Variants in KLF12 observed in about 807,000 individuals in gnomAD.
KLF12 encodes the protein KLF transcription factor 12.
A neutral mutation model predicts 37.8 loss-of-function variants in KLF12; 9 were observed. The observed-to-expected ratio is 0.24, with a 90% confidence interval of 0.14 to 0.42. The LOEUF is 0.42. KLF12 is among the 10% of genes least tolerant of loss of function. The pLI is 1.00. For missense variants in KLF12, 411 were observed against 516.0 expected (o/e 0.80, Z 1.97); for synonymous variants, 208 against 202.1 (o/e 1.03, Z -0.25).
chr13:74,163,085 A>G, the KLF12 span, among the ~76,000 whole-genome samples: 2 of 152,120 alleles, frequency 1.3e-5, no homozygotes, highest in African/African-American at 2.4e-5. Context: ...AGAAAGAGAG[A>G]AAACAAATGA....
At chr13:73,753,555 C>T (rs1158660014) in intron 6 of KLF12, among the ~76,000 whole-genome samples, 1 of 152,012 alleles carries the variant, frequency 6.6e-6, no homozygotes, top group Non-Finnish European at 1.5e-5. Context: ...AAATACTGTG[C>T]CCCTAGAGCA....
chr13:73,831,870 T>C (rs918854412), intron 4 of KLF12, among the ~76,000 whole-genome samples: 1 of 152,234 alleles, frequency 6.6e-6, no homozygotes, highest in Non-Finnish European at 1.5e-5. Flanking sequence ...TTTGTGACTA[T>C]TGGGCATCCA....
chr13:73,844,625 C>T (rs988952128), intron 4 of KLF12: 2 of 152,156 alleles, frequency 1.3e-5, no homozygotes, highest in Non-Finnish European at 2.9e-5. Flanking sequence ...CAATACCTTG[C>T]TAATGGTGAA....
At chr13:74,062,912 C>A (rs555353329) in intron 1 of KLF12, among the ~76,000 whole-genome samples, 3 of 152,196 alleles carry the variant, frequency 2.0e-5, no homozygotes, top group Non-Finnish European at 4.4e-5. Flanking sequence ...CTTGAAATAA[C>A]CTGAAAAGGC....
intron 2 of KLF12, among the ~76,000 whole-genome samples, chr13:73,973,926 C>G (rs1891422772): frequency 6.6e-6 from 1 of 151,842 alleles, no homozygotes; most frequent in Non-Finnish European, 1.5e-5. Flanking sequence ...ATAAAACATA[C>G]CGGAGACCAA....
chr13:73,781,807 A>G (rs1880983318), intron 5 of KLF12, among the ~76,000 whole-genome samples: 1 of 152,220 alleles, frequency 6.6e-6, no homozygotes, highest in Admixed American at 6.5e-5. Flanking sequence ...AAAACTGCCT[A>G]TTACCAAGCA....
intron 5 of KLF12, among the ~76,000 whole-genome samples, chr13:73,805,618 G>GAGGGAGGGAGGGAGGAAGGAAGGA (rs1566380057): frequency 0.015 from 639 of 42,014 alleles, 70 homozygotes; most frequent in Non-Finnish European, 0.022. Flanking sequence ...GGAAGGGAGG[G>GAGGGAGGGAGGGAGGAAGGAAGGA]AGGGAGGGAG....
In KLF12 at chr13:73,772,305, G is replaced by A. The variant is rs149031490; in HGVS notation, c.807-7305C>T. On this transcript the variant is annotated intron_variant, in intron 5 of 7. Transcript: ENST00000377669. ...TATGAAGTGTGTGAGGGGAGGGGAT[G>A]CTACAAGGATTCAAACACAGTTCCT... 2.3e-4 allele frequency among the ~76,000 whole-genome samples: 35 copies of A among 152,314 alleles called. No individual in the cohort carries two copies. In the East Asian group the frequency reaches 5.6e-3, roughly 24 times the overall value.
intron 7 of KLF12, among the ~76,000 whole-genome samples, chr13:73,702,413 G>A (rs1172242358): frequency 6.6e-6 from 1 of 152,040 alleles, no homozygotes; most frequent in Non-Finnish European, 1.5e-5. Context: ...CTCCCATTTC[G>A]CCATCTGAAA....
At chr13:73,883,180 A>G (rs1303165839) in intron 3 of KLF12, among the ~76,000 whole-genome samples, 1 of 152,188 alleles carries the variant, frequency 6.6e-6, no homozygotes, top group African/African-American at 2.4e-5. Flanking sequence ...ATCATGCATT[A>G]CTGTACATCC....
chr13:74,277,183 T>C, the KLF12 span, among the ~76,000 whole-genome samples: 1 of 152,250 alleles, frequency 6.6e-6, no homozygotes, highest in Non-Finnish European at 1.5e-5. Context: ...TGTCTTCACA[T>C]TGCCATCTGC....
chr13:74,184,454 G>A, the KLF12 span, among the ~76,000 whole-genome samples: 3 of 152,020 alleles, frequency 2.0e-5, no homozygotes, highest in South Asian at 6.2e-4. Context: ...TGAATATAAT[G>A]TTTCCACTTG....
intron 1 of KLF12, among the ~76,000 whole-genome samples, chr13:74,069,329 T>C (rs1332470602): frequency 1.3e-5 from 2 of 152,096 alleles, no homozygotes; most frequent in East Asian, 3.8e-4. Flanking sequence ...CCCGCGAATA[T>C]GAATGGACAC....
chr13:73,845,900 A>G lies in KLF12; in HGVS notation c.597T>C (p.Ala199=), dbSNP rs1884986022. 1 of 1,614,172 alleles carries G rather than the reference A, an allele frequency of 6.2e-7. No individual in the cohort carries two copies. The highest frequency in any genetic ancestry group is 8.5e-7 in the Non-Finnish European group (1 of 1,180,002). ...TGTTCACATTTCCAGGTGACCTTACAGCTGTGTAGACAACAGGCACCGACT... is the reference window on the plus strand; with the variant it reads ...TGTTCACATTTCCAGGTGACCTTACGGCTGTGTAGACAACAGGCACCGACT... Residue 199 remains alanine (A), a synonymous_variant, in exon 4 of 8, where the codon GCT becomes GCC. Transcript: ENST00000377669.
intron 3 of KLF12, among the ~76,000 whole-genome samples, chr13:73,897,514 G>A (rs920273292): frequency 5.3e-5 from 8 of 151,956 alleles, no homozygotes; most frequent in Admixed American, 4.6e-4. Flanking sequence ...AATACCAAAC[G>A]ACGTGGCATT....
At chr13:73,792,424 G>C (rs1220323676) in intron 5 of KLF12, among the ~76,000 whole-genome samples, 1 of 152,058 alleles carries the variant, frequency 6.6e-6, no homozygotes, top group East Asian at 1.9e-4. Context: ...CTTGCATTTT[G>C]TTTCAATTAG....
the KLF12 span, among the ~76,000 whole-genome samples, chr13:74,275,119 T>C: frequency 6.6e-6 from 1 of 152,182 alleles, no homozygotes; most frequent in Non-Finnish European, 1.5e-5. Context: ...TGGGGGAAAT[T>C]GTTCAAAGCA....
intron 1 of KLF12, among the ~76,000 whole-genome samples, chr13:74,026,792 C>A (rs1892987222): frequency 6.6e-6 from 1 of 152,180 alleles, no homozygotes; most frequent in Non-Finnish European, 1.5e-5. Context: ...TTTGACCACT[C>A]TACCTCAGTC....
intron 6 of KLF12, among the ~76,000 whole-genome samples, chr13:73,723,913 G>A (rs546480225): frequency 2.0e-5 from 3 of 152,256 alleles, no homozygotes; most frequent in Admixed American, 6.5e-5. Flanking sequence ...GAGAGGATGC[G>A]GAGAAATAGG....
Sources: gnomAD v4.1 joint callset for allele counts (sites outside exome capture counted in the v4.1 genomes callset) on GRCh38, gnomAD v4.1.1 for gene constraint, MANE v1.5 for transcripts, NCBI Gene and HGNC (gene_info 2026-07-23, HGNC 2026-07-21) for gene names.